Variants in PRCP observed in about 807,000 individuals in gnomAD.
PRCP encodes the protein lysosomal Pro-X carboxypeptidase.
Under a neutral mutation model 54.2 loss-of-function variants are expected in PRCP, and 46 were observed. The observed-to-expected ratio is 0.85, with a 90% CI of 0.67 to 1.09. The LOEUF is 1.09. Ranked by LOEUF, PRCP falls within the 50% of genes least tolerant of loss-of-function variation. The pLI is 0.00. For synonymous variants in PRCP, 240 were observed against 212.2 expected (o/e 1.13, Z -1.14); for missense variants, 613 against 596.8 (o/e 1.03, Z -0.28).
chr11:82,839,807 TG>T (rs1858616703), intron 6 of PRCP: 2 of 208,710 alleles, frequency 9.6e-6, no homozygotes, highest in African/African-American at 4.8e-5. Flanking sequence ...CTAATGCCTT[TG>T]AACACCAACT....
At chr11:82,871,429 T>C (rs1304161517) in intron 1 of PRCP, among the ~76,000 whole-genome samples, 1 of 152,202 alleles carries the variant, frequency 6.6e-6, no homozygotes, top group East Asian at 1.9e-4. Flanking sequence ...TCCACCCGCC[T>C]TGCCCTCCCA....
intron 8 of PRCP, chr11:82,826,716 C>T (rs1307662976): frequency 6.6e-6 from 1 of 152,200 alleles, no homozygotes; most frequent in African/African-American, 2.4e-5. Context: ...GGTATTTAAA[C>T]ATCTTATGTG....
chr11:82,893,585 A>G (rs1009654910), intron 1 of PRCP, among the ~76,000 whole-genome samples: 1 of 152,170 alleles, frequency 6.6e-6, no homozygotes, highest in Admixed American at 6.5e-5. Flanking sequence ...TGAGGACAAG[A>G]GTTCAAGACC....
intron 1 of PRCP, among the ~76,000 whole-genome samples, chr11:82,871,695 ACTC>A (rs1370698501): frequency 6.6e-6 from 1 of 151,738 alleles, no homozygotes; most frequent in Non-Finnish European, 1.5e-5. Flanking sequence ...GCATACTACC[ACTC>A]CTCCTGCAAA....
rs76715837 is a variant in PRCP at position 82,866,439 on chromosome 11, A to G, written c.169-6322T>C. Among the ~76,000 whole-genome samples, 705 of 152,328 alleles carry G rather than the reference A, an allele frequency of 4.6e-3. 3 individuals carry two copies. The highest frequency in any genetic ancestry group is 7.5e-3 in the Non-Finnish European group (511 of 68,014). ...AATAAGACACTGCTCCTCTTTACACATACTTCTATAAGTGTTAACCAGGAG... is the reference window on the plus strand; with the variant it reads ...AATAAGACACTGCTCCTCTTTACACGTACTTCTATAAGTGTTAACCAGGAG... On this transcript the variant is annotated intron_variant, in intron 1 of 8. Coordinates refer to ENST00000313010, the MANE Select transcript of PRCP (RefSeq NM_005040.4).
chr11:82,868,047 C>T (rs1859383805), intron 1 of PRCP, among the ~76,000 whole-genome samples: 1 of 152,128 alleles, frequency 6.6e-6, no homozygotes, highest in South Asian at 2.1e-4. Flanking sequence ...AAACAACAAT[C>T]ATCCCCCTTC....
intron 1 of PRCP, among the ~76,000 whole-genome samples, chr11:82,868,943 C>G (rs752718472): frequency 6.6e-6 from 1 of 151,942 alleles, no homozygotes; most frequent in African/African-American, 2.4e-5. Flanking sequence ...GGCTGAGGCC[C>G]GAGAATCACT....
At chr11:82,873,720 A>C (rs1859532619) in intron 1 of PRCP, among the ~76,000 whole-genome samples, 1 of 152,238 alleles carries the variant, frequency 6.6e-6, no homozygotes, top group African/African-American at 2.4e-5. Flanking sequence ...TCCATGGAGA[A>C]TCTTCTGTGA....
chr11:82,882,916 A>G lies in PRCP; in HGVS notation c.168+17319T>C, dbSNP rs567268912. ...ACCCTTTTTTAGATCTCCAGACCTA[A>G]AGAACGATGATACTTCAAAAGGCCT... On this transcript the variant is annotated intron_variant, in intron 1 of 8. Coordinates refer to ENST00000313010, the MANE Select transcript of PRCP (RefSeq NM_005040.4). 7.5e-5 allele frequency among the ~76,000 whole-genome samples: 11 copies of G among 146,694 alleles called. No homozygotes were observed. The South Asian group carries it at 2.4e-3, about 32-fold the overall frequency.
intron 2 of PRCP, among the ~76,000 whole-genome samples, chr11:82,856,330 C>T (rs573523250): frequency 1.1e-4 from 17 of 152,222 alleles, no homozygotes; most frequent in African/African-American, 2.2e-4. Context: ...TAGAATACTA[C>T]GTAGCCATTA....
chr11:82,845,435 C>A (rs1043790355), intron 6 of PRCP, among the ~76,000 whole-genome samples: 1 of 152,112 alleles, frequency 6.6e-6, no homozygotes, highest in African/African-American at 2.4e-5. Flanking sequence ...CATGGTCCAT[C>A]CACATTAGAG....
intron 1 of PRCP, among the ~76,000 whole-genome samples, chr11:82,877,379 C>A (rs1394184800): frequency 1.3e-5 from 2 of 152,084 alleles, no homozygotes; most frequent in African/African-American, 4.8e-5. Context: ...TCCCCAAGAC[C>A]ATGGGGAAAA....
chr11:82,867,557 G>T (rs1859369254), intron 1 of PRCP, among the ~76,000 whole-genome samples: 1 of 152,176 alleles, frequency 6.6e-6, no homozygotes, highest in Non-Finnish European at 1.5e-5. Flanking sequence ...CCTTCCCACG[G>T]CTTCAGGAAG....
intron 8 of PRCP, chr11:82,830,293 T>C (rs1858346149): frequency 6.6e-6 from 1 of 151,858 alleles, no homozygotes; most frequent in Admixed American, 6.6e-5. Flanking sequence ...AAAAAACATT[T>C]AGGTACATTA....
chr11:82,898,978 C>T (rs1860182165), intron 1 of PRCP, among the ~76,000 whole-genome samples: 1 of 143,236 alleles, frequency 7.0e-6, no homozygotes, highest in African/African-American at 2.7e-5. Context: ...AATCCCATCT[C>T]TATTTTTAAA....
Position 82,850,469 on chromosome 11 carries a change from C to T in PRCP, c.448G>A (p.Ala150Thr). The T allele has an allele frequency of 6.3e-7, 1 of 1,591,592 alleles. No individual in the cohort carries two copies. ...ATTAACTCTGCAAAATCAGCCAGAG[C>T]TTGTTCTGATGTCAGGAAATTCAAG... ...RHLNFLTSEQ[A>T]LADFAELIKH... Residue 150 changes from alanine to threonine, a missense_variant, in exon 4 of 9, where the codon GCT becomes ACT. By Grantham distance (58) the Ala-to-Thr change is moderately conservative. Coordinates refer to ENST00000313010, the MANE Select transcript of PRCP (RefSeq NM_005040.4).
chr11:82,851,514 A>G (rs1858954521), intron 3 of PRCP, among the ~76,000 whole-genome samples: 1 of 150,272 alleles, frequency 6.7e-6, no homozygotes, highest in African/African-American at 2.4e-5. Flanking sequence ...GAGGCTCTCC[A>G]GCCCCAGTCA....
At chr11:82,853,782 A>G (rs778512378) in intron 2 of PRCP, among the ~76,000 whole-genome samples, 2 of 152,214 alleles carry the variant, frequency 1.3e-5, no homozygotes, top group African/African-American at 2.4e-5. Context: ...ACCAAAATCC[A>G]GCAGCATCAA....
At chr11:82,899,952 C>T (rs1218178112) in intron 1 of PRCP, 4 of 415,486 alleles carry the variant, frequency 9.6e-6, no homozygotes, top group Non-Finnish European at 1.7e-5. Flanking sequence ...TTGGGGCACC[C>T]TCTGGGAGCA....
Sources: gnomAD v4.1 joint callset for allele counts (sites outside exome capture counted in the v4.1 genomes callset) on GRCh38, gnomAD v4.1.1 for gene constraint, MANE v1.5 for transcripts, NCBI Gene and HGNC (gene_info 2026-07-23, HGNC 2026-07-21) for gene names.